Variants in RBM46 observed in about 807,000 individuals in gnomAD.
RBM46 encodes RNA binding motif protein 46, also known as probable RNA-binding protein 46.
A neutral mutation model predicts 43.3 loss-of-function variants in RBM46; 12 were observed. The ratio of observed to expected loss-of-function variants is 0.28; its 90% CI spans 0.18 to 0.45. RBM46 has a LOEUF of 0.45. RBM46 is among the 20% of genes least tolerant of loss of function. The pLI is 1.00. For synonymous variants in RBM46, 205 were observed against 207.6 expected (o/e 0.99, Z 0.11); for missense variants, 412 against 639.1 (o/e 0.64, Z 3.83).
chr4:154,800,979 G>T (rs1168586095), intron 4 of RBM46, among the ~76,000 whole-genome samples: 1 of 142,738 alleles, frequency 7.0e-6, no homozygotes, highest in Non-Finnish European at 1.5e-5. Context: ...CATAGTATTA[G>T]AAATTTTTTT....
chr4:154,826,503 G>A (rs1024559071), intron 4 of RBM46, among the ~76,000 whole-genome samples: 5 of 151,988 alleles, frequency 3.3e-5, no homozygotes, highest in Non-Finnish European at 7.4e-5. Flanking sequence ...TGTATGGTAC[G>A]TAGAGTCATC....
At chr4:154,824,287 T>TA (rs1469309338) in intron 4 of RBM46, among the ~76,000 whole-genome samples, 34 of 152,064 alleles carry the variant, frequency 2.2e-4, no homozygotes, top group Non-Finnish European at 4.1e-4. Flanking sequence ...AAAATGGTCA[T>TA]ACTAGAGAAC....
At chr4:154,827,404 C>A in intron 4 of RBM46, 1 of 986,612 alleles carries the variant, frequency 1.0e-6, no homozygotes, top group Non-Finnish European at 1.2e-6. Flanking sequence ...TAGTTTATAC[C>A]AAATGTTTTT....
chr4:154,821,682 T>C (rs974050299), intron 4 of RBM46, among the ~76,000 whole-genome samples: 2 of 151,886 alleles, frequency 1.3e-5, no homozygotes, highest in Non-Finnish European at 3.0e-5. Context: ...TTGCCTTGCC[T>C]GTGAAGGCAT....
At chr4:154,792,604 C>T (rs1379926686) in intron 1 of RBM46, among the ~76,000 whole-genome samples, 4 of 151,962 alleles carry the variant, frequency 2.6e-5, no homozygotes, top group Admixed American at 1.3e-4. Context: ...AGTCACAGCA[C>T]GCTGAAATGG....
At chr4:154,809,885 A>C (rs1416060524) in intron 4 of RBM46, among the ~76,000 whole-genome samples, 3 of 152,166 alleles carry the variant, frequency 2.0e-5, no homozygotes, top group Non-Finnish European at 4.4e-5. Context: ...AGACAATTGG[A>C]AATTATGATT....
At chr4:154,803,628 G>C (rs1312468726) in intron 4 of RBM46, among the ~76,000 whole-genome samples, 1 of 147,942 alleles carries the variant, frequency 6.8e-6, no homozygotes, top group Non-Finnish European at 1.5e-5. Context: ...GCGTGAACCC[G>C]GGGGGCGGAG....
At chr4:154,820,483 A>G in intron 4 of RBM46, 1 of 938,996 alleles carries the variant, frequency 1.1e-6, no homozygotes, top group Non-Finnish European at 1.5e-6. Context: ...AATTGTCAGA[A>G]AACCAGTTTC....
chr4:154,804,931 G>A (rs894677666), intron 4 of RBM46, among the ~76,000 whole-genome samples: 1 of 151,112 alleles, frequency 6.6e-6, no homozygotes, highest in African/African-American at 2.4e-5. Context: ...TTTGTTTAAG[G>A]AGTCACAGTC....
intron 1 of RBM46, among the ~76,000 whole-genome samples, chr4:154,789,317 A>T (rs1733958049): frequency 6.6e-6 from 1 of 152,206 alleles, no homozygotes; most frequent in African/African-American, 2.4e-5. Context: ...TGGGTTTGTC[A>T]TAAATAGCTC....
chr4:154,810,804 C>T (rs1735137130), intron 4 of RBM46, among the ~76,000 whole-genome samples: 1 of 152,170 alleles, frequency 6.6e-6, no homozygotes, highest in African/African-American at 2.4e-5. Context: ...TTGCCATTTT[C>T]AAGCCCTCTG....
intron 1 of RBM46, among the ~76,000 whole-genome samples, chr4:154,783,633 A>G (rs1249618894): frequency 6.6e-6 from 1 of 152,234 alleles, no homozygotes; most frequent in Non-Finnish European, 1.5e-5. Context: ...GAATATGTAG[A>G]TATCTTTATC....
intron 4 of RBM46, among the ~76,000 whole-genome samples, chr4:154,825,665 G>T (rs755189872): frequency 8.5e-5 from 13 of 152,156 alleles, no homozygotes; most frequent in Non-Finnish European, 1.9e-4. Context: ...AAGGGCTTAA[G>T]TTCAAGGTTT....
chr4:154,827,577 T>C lies in RBM46; in HGVS notation c.1403-291T>C, dbSNP rs1578961588. ...TTTGTAGAGCAAGAGAAATGAGACG[T>C]TCTCTTTTTCTATAATCAAAACTCC... On this transcript the variant is annotated intron_variant, in intron 4 of 4. Coordinates refer to ENST00000281722, the MANE Select transcript of RBM46 (RefSeq NM_144979.5). The C allele has an allele frequency of 4.4e-6, 5 of 1,129,140 alleles. No individual in the cohort carries two copies. The East Asian group carries it at 2.8e-4, about 62-fold the overall frequency. The allele number at this position is 1,129,140 out of a possible 1,614,324, so 69.9% of individuals were successfully genotyped here. A position where few individuals can be genotyped will look rare whatever the true frequency, so the allele number is the denominator to read the frequency against.
At chr4:154,794,455 C>T (rs531995328) in intron 1 of RBM46, among the ~76,000 whole-genome samples, 63 of 152,242 alleles carry the variant, frequency 4.1e-4, no homozygotes, top group African/African-American at 1.4e-3. Context: ...GCTGAGATTA[C>T]AGGCATAAGT....
rs113381939 is a variant in RBM46 at position 154,828,782 on chromosome 4, A to C, written c.*715A>C. 6.6e-6 allele frequency: 1 copy of C among 152,480 alleles called. No individual in the cohort carries two copies. The highest frequency in any genetic ancestry group is 6.6e-5 in the Admixed American group (1 of 15,250). The allele number at this position is 152,480 out of a possible 1,614,324, so 9.4% of individuals were successfully genotyped here. A position where few individuals can be genotyped will look rare whatever the true frequency, so the allele number is the denominator to read the frequency against. ...GTGTTAATTTTTGTACTTGAATTCA[A>C]ATTTTTTGACATTAAATATGTGATG... On this transcript the variant is annotated 3_prime_UTR_variant, in exon 5 of 5. Transcript: ENST00000281722.
At chr4:154,804,042 A>G (rs957875085) in intron 4 of RBM46, among the ~76,000 whole-genome samples, 1 of 152,170 alleles carries the variant, frequency 6.6e-6, no homozygotes, top group Non-Finnish European at 1.5e-5. Context: ...TGCTCTTGCC[A>G]TGGGATGTGC....
chr4:154,807,061 T>A lies in RBM46; in HGVS notation c.1402+7497T>A, dbSNP rs923085330. Among the ~76,000 whole-genome samples the A allele has an allele frequency of 1.1e-3, 171 of 151,998 alleles. 1 individual carries two copies. The highest frequency in any genetic ancestry group is 4.0e-3 in the African/African-American group (165 of 41,578). On this transcript the variant is annotated intron_variant, in intron 4 of 4. Transcript: ENST00000281722. ...TTAATAGCAGCTACTGCTGTATTAA[T>A]CTAATGTCTAATCTTATTTAATTCA...
At position 154,799,186 on chromosome 4, in the gene RBM46, A is replaced by G. The variant is rs773354295; in HGVS notation, c.1024A>G (p.Lys342Glu). 6.2e-7 allele frequency: 1 copy of G among 1,614,034 alleles called. No individual in the cohort carries two copies. The highest frequency in any genetic ancestry group is 1.3e-5 in the African/African-American group (1 of 74,920). Residue 342 changes from lysine to glutamate, a missense_variant, in exon 4 of 5, where the codon AAA (lysine) becomes GAA (glutamate). Physicochemically the swap from Lys to Glu is moderately conservative, Grantham distance 56. Coordinates refer to ENST00000281722, the MANE Select transcript of RBM46 (RefSeq NM_144979.5). The stretch of plus-strand genomic sequence containing the variant: ...TGCTAACAAAGAAGAGAGCCACCCA[A>G]AAACTCTAGGCAAGCTGCCAACTCT... Reference protein sequence around the residue: ...VFANKEESHPKTLGKLPTLPA... With the variant: ...VFANKEESHPETLGKLPTLPA...
Sources: allele counts gnomAD v4.1 joint callset (sites outside exome capture counted in the v4.1 genomes callset), GRCh38; gene constraint gnomAD v4.1.1; transcripts MANE v1.5; gene names NCBI Gene and HGNC (gene_info 2026-07-23, HGNC 2026-07-21).